Variants in BCR observed in about 807,000 individuals in gnomAD.
BCR encodes the protein breakpoint cluster region protein.
A neutral mutation model predicts 138.6 loss-of-function variants in BCR; 58 were observed. The ratio of observed to expected loss-of-function variants is 0.42; its 90% CI spans 0.34 to 0.52. The LOEUF is 0.52. BCR is among the 20% of genes least tolerant of loss of function. The pLI, the probability that BCR is intolerant of heterozygous loss-of-function variation, is 0.06. For synonymous variants in BCR, 786 were observed against 730.1 expected, an observed-to-expected ratio of 1.08 and a Z score of -1.23; for missense variants, 1,599 against 1,727.2, an observed-to-expected ratio of 0.93 and a Z score of 1.32.
intron 8 of BCR, among the ~76,000 whole-genome samples, chr22:23,274,242 G>A (rs976290059): frequency 2.0e-5 from 3 of 152,218 alleles, no homozygotes; most frequent in African/African-American, 7.2e-5. Flanking sequence ...GTTTGTGTCT[G>A]TGACGTGAGA....
chr22:23,300,590 T>C (rs950301044), intron 16 of BCR, among the ~76,000 whole-genome samples: 2 of 152,094 alleles, frequency 1.3e-5, no homozygotes, highest in African/African-American at 4.8e-5. Flanking sequence ...GGGGAACAGC[T>C]GCTGCAGAGT....
chr22:23,299,936 CACGTG>C (rs2073886493), intron 16 of BCR, among the ~76,000 whole-genome samples: 1 of 152,132 alleles, frequency 6.6e-6, no homozygotes, highest in South Asian at 2.1e-4. Flanking sequence ...TTTGGACTCC[CACGTG>C]CATCCCTGCA....
intron 1 of BCR, among the ~76,000 whole-genome samples, chr22:23,217,417 C>T (rs2072768678): frequency 6.6e-6 from 1 of 152,212 alleles, no homozygotes; most frequent in African/African-American, 2.4e-5. Context: ...AGCTCTGGTG[C>T]TCTCTCTTCG....
At chr22:23,266,471 C>T (rs777527930) in intron 4 of BCR, among the ~76,000 whole-genome samples, 3 of 152,110 alleles carry the variant, frequency 2.0e-5, no homozygotes, top group African/African-American at 7.2e-5. Context: ...CTCCTTGCAA[C>T]CTCTGCCTCC....
At chr22:23,209,962 A>C (rs944045322) in intron 1 of BCR, among the ~76,000 whole-genome samples, 2 of 152,044 alleles carry the variant, frequency 1.3e-5, no homozygotes, top group Admixed American at 6.6e-5. Context: ...AGATTTTTAC[A>C]TTATTTGCCC....
chr22:23,196,267 C>T (rs1310552817), intron 1 of BCR, among the ~76,000 whole-genome samples: 2 of 152,046 alleles, frequency 1.3e-5, no homozygotes, highest in Non-Finnish European at 2.9e-5. Context: ...GAAGGTGGCT[C>T]GGACACAGTC....
chr22:23,227,874 G>T (rs116244331), intron 1 of BCR, among the ~76,000 whole-genome samples: 2 of 152,170 alleles, frequency 1.3e-5, no homozygotes, highest in African/African-American at 2.4e-5. Flanking sequence ...GGTTACTGTT[G>T]GCCCCAGGGC....
intron 16 of BCR, 53 bp downstream of exon 16, chr22:23,295,208 T>C: frequency 1.4e-6 from 2 of 1,428,576 alleles, no homozygotes; most frequent in Non-Finnish European, 1.9e-6. Context: ...TCCTTTTTCA[T>C]GCAGCCCCTG....
In BCR at chr22:23,182,006, A is replaced by G. The variant is rs1299172836; in HGVS notation, c.1046A>G (p.Gln349Arg). Reference protein sequence around the residue: ...TSSEEDFSSGQSSRVSPSPTT... With the variant: ...TSSEEDFSSGRSSRVSPSPTT... ...AGCGAGGAGGACTTCTCCTCTGGCC[A>G]GTCCAGCCGCGTGTCCCCAAGCCCC... The change falls in exon 1 of 23, where the codon CAG becomes CGG. Residue 349 changes from glutamine (Q) to arginine (R), a missense_variant. Coordinates refer to ENST00000305877, the MANE Select transcript of BCR (RefSeq NM_004327.4). The G allele has an allele frequency of 9.9e-6, 16 of 1,612,546 alleles. No homozygotes were observed. Among genetic ancestry groups the G allele is most frequent in the African/African-American group, 4.0e-5 (3 of 74,922 alleles).
At chr22:23,294,402 T>C (rs1401118206) in intron 15 of BCR, among the ~76,000 whole-genome samples, 1 of 152,202 alleles carries the variant, frequency 6.6e-6, no homozygotes, top group African/African-American at 2.4e-5. Context: ...TCAGAGTCCA[T>C]AGAAATATCT....
chr22:23,275,341 C>T (rs936963084), intron 8 of BCR, among the ~76,000 whole-genome samples: 3 of 152,272 alleles, frequency 2.0e-5, no homozygotes, highest in African/African-American at 7.2e-5. Flanking sequence ...CTTCTCCCAA[C>T]TGGGCCCATT....
chr22:23,289,894 G>A, intron 13 of BCR: 2 of 541,696 alleles, frequency 3.7e-6, no homozygotes, highest in Admixed American at 3.2e-5. Flanking sequence ...CTCCTCAGAT[G>A]CTCTGTGCCT....
chr22:23,246,423 C>T (rs2073157621), intron 1 of BCR, among the ~76,000 whole-genome samples: 1 of 152,204 alleles, frequency 6.6e-6, no homozygotes, highest in South Asian at 2.1e-4. Context: ...ATTGTTTCTA[C>T]CTCTTGTGAA....
At chr22:23,253,357 C>G (rs2073253591) in intron 1 of BCR, among the ~76,000 whole-genome samples, 2 of 152,156 alleles carry the variant, frequency 1.3e-5, no homozygotes, top group Non-Finnish European at 2.9e-5. Context: ...GGTGCCAACT[C>G]TCTAATCGTG....
intron 16 of BCR, among the ~76,000 whole-genome samples, chr22:23,299,142 GC>G (rs67510965): frequency 0.18 from 27,315 of 151,916 alleles, 2,788 homozygotes; most frequent in Middle Eastern, 0.28. Context: ...GACTACAGGC[GC>G]CCGCCACCAC....
intron 14 of BCR, 114 bp from the exon 15 acceptor site, chr22:23,292,427 C>T (rs1186572382): frequency 3.8e-6 from 3 of 796,156 alleles, no homozygotes; most frequent in Non-Finnish European, 6.0e-6. Flanking sequence ...AAGTTACAAC[C>T]TTTTTTTTTT....
At chr22:23,268,180 C>T (rs1403728909) in intron 4 of BCR, among the ~76,000 whole-genome samples, 4 of 152,160 alleles carry the variant, frequency 2.6e-5, no homozygotes, top group East Asian at 1.9e-4. Flanking sequence ...ACCTGCCTGG[C>T]GCCGTGAGTC....
intron 2 of BCR, 83 bp from the exon 3 acceptor site, chr22:23,260,867 C>G: frequency 7.7e-6 from 10 of 1,294,286 alleles, no homozygotes; most frequent in Non-Finnish European, 1.1e-5. Context: ...GGTCAACAAG[C>G]TGGCCCTCCT....
At chr22:23,273,884 C>T (rs1602091245) in intron 8 of BCR, 110 bp downstream of exon 8, 3 of 1,468,500 alleles carry the variant, frequency 2.0e-6, no homozygotes, top group Admixed American at 1.8e-5. Context: ...CAGACCTTGC[C>T]TTCTGGGATT....
Sources: allele counts gnomAD v4.1 joint callset (sites outside exome capture counted in the v4.1 genomes callset), GRCh38; gene constraint gnomAD v4.1.1; transcripts MANE v1.5; gene names NCBI Gene and HGNC (gene_info 2026-07-23, HGNC 2026-07-21).